Variants in PTGER3 observed in about 807,000 individuals in gnomAD.
The protein encoded by PTGER3 is prostaglandin E receptor 3.
A neutral mutation model predicts 34.7 loss-of-function variants in PTGER3; 22 were observed. The observed-to-expected ratio is 0.63, with a 90% CI of 0.45 to 0.91. PTGER3 has a LOEUF of 0.91. PTGER3 is among the 40% of genes least tolerant of loss of function. The pLI is 0.00. For synonymous variants in PTGER3, 241 were observed against 230.1 expected (o/e 1.05, Z -0.43); for missense variants, 468 against 519.4 (o/e 0.90, Z 0.96).
chr1:70,966,059 C>T (rs1195037326), downstream of PTGER3, among the ~76,000 whole-genome samples: 5 of 152,142 alleles, frequency 3.3e-5, no homozygotes, highest in African/African-American at 1.2e-4. Context: ...AACTATTATT[C>T]ACTTACTAAG....
chr1:70,995,150 T>C (rs941268681), intron 2 of PTGER3, among the ~76,000 whole-genome samples: 1 of 152,182 alleles, frequency 6.6e-6, no homozygotes, highest in Non-Finnish European at 1.5e-5. Context: ...TAGGTGTCAT[T>C]TGAGCTGGGC....
chr1:70,985,080 C>G (rs9424958), intron 2 of PTGER3, among the ~76,000 whole-genome samples: 32,939 of 152,016 alleles, frequency 0.22, 3,679 homozygotes, highest in Middle Eastern at 0.29. Context: ...CCTTTGCCGA[C>G]AAAATCCTTC....
intron 2 of PTGER3, among the ~76,000 whole-genome samples, chr1:70,957,238 A>T (rs905699785): frequency 6.6e-6 from 1 of 152,174 alleles, no homozygotes; most frequent in Non-Finnish European, 1.5e-5. Context: ...ATTTCCTTTC[A>T]AACTTCAACC....
At chr1:70,905,109 G>A (rs192019309) in intron 4 of PTGER3, among the ~76,000 whole-genome samples, 86 of 152,300 alleles carry the variant, frequency 5.6e-4, no homozygotes, top group Non-Finnish European at 6.5e-4. Context: ...AGCCTTAGCA[G>A]CTTCCACATG....
exon 4 of PTGER3, chr1:70,952,812 A>G (rs957687013): frequency 9.1e-5 from 128 of 1,409,260 alleles, no homozygotes; most frequent in Middle Eastern, 1.9e-4. Flanking sequence ...CAACACATGG[A>G]AAGTGCTCAA....
At chr1:70,995,615 T>A (rs1332223839) in intron 2 of PTGER3, among the ~76,000 whole-genome samples, 1 of 152,152 alleles carries the variant, frequency 6.6e-6, no homozygotes, top group Non-Finnish European at 1.5e-5. Flanking sequence ...GTAAAAATTA[T>A]AGTAATAACA....
At chr1:70,884,500 C>G (rs1406339180) in intron 4 of PTGER3, among the ~76,000 whole-genome samples, 2 of 152,170 alleles carry the variant, frequency 1.3e-5, no homozygotes, top group East Asian at 1.9e-4. Flanking sequence ...GGAGCAAGAG[C>G]AGCAGCAGCA....
intron 4 of PTGER3, among the ~76,000 whole-genome samples, chr1:70,859,795 T>C (rs1645887355): frequency 6.6e-6 from 1 of 152,214 alleles, no homozygotes; most frequent in African/African-American, 2.4e-5. Flanking sequence ...AACTGAGCCT[T>C]ATCCATGTTG....
chr1:70,951,787 G>A (rs548060915), downstream of PTGER3, among the ~76,000 whole-genome samples: 2 of 152,186 alleles, frequency 1.3e-5, no homozygotes, highest in South Asian at 4.1e-4. Flanking sequence ...CTCTGCCCTT[G>A]GGAAACTCAT....
rs555360616 is a variant in PTGER3 at position 70,908,243 on chromosome 1, G to C, written c.*23+45520C>G. On this transcript the variant is annotated intron_variant, in intron 4 of 4. Coordinates refer to the PTGER3 transcript ENST00000370931. ...AATTCCCAGCGTATCATGACAATAA[G>C]CATCTGAATGATTTTTTGGTCAATT... 5.3e-5 allele frequency among the ~76,000 whole-genome samples: 8 copies of C among 152,256 alleles called. No homozygotes were observed. The East Asian group carries it at 1.5e-3, about 29-fold the overall frequency.
intron 2 of PTGER3, among the ~76,000 whole-genome samples, chr1:70,963,005 A>G (rs1652098249): frequency 6.6e-6 from 1 of 152,220 alleles, no homozygotes; most frequent in African/African-American, 2.4e-5. Context: ...GCATTTGGTA[A>G]ATACAGCTAT....
intron 4 of PTGER3, among the ~76,000 whole-genome samples, chr1:70,938,217 C>T (rs1477159553): frequency 3.3e-5 from 5 of 152,132 alleles, no homozygotes; most frequent in Admixed American, 3.3e-4. Context: ...GAAGCTAATA[C>T]ATCAAATTCA....
intron 4 of PTGER3, among the ~76,000 whole-genome samples, chr1:70,875,226 A>G (rs1646248661): frequency 6.6e-6 from 1 of 152,210 alleles, no homozygotes; most frequent in African/African-American, 2.4e-5. Context: ...GCTTTCCTTC[A>G]GCCACTTTCT....
chr1:71,008,905 T>G, intron 2 of PTGER3: 1 of 976,750 alleles, frequency 1.0e-6, no homozygotes, highest in Non-Finnish European at 1.2e-6. Flanking sequence ...ATTCAGCTCC[T>G]AGAATCCTGT....
chr1:70,959,916 G>A (rs1277650403), intron 2 of PTGER3, among the ~76,000 whole-genome samples: 1 of 151,952 alleles, frequency 6.6e-6, no homozygotes, highest in East Asian at 1.9e-4. Context: ...GACCTTATTT[G>A]AAAATAAGGT....
At chr1:70,881,534 G>A (rs1158183927) in intron 4 of PTGER3, among the ~76,000 whole-genome samples, 1 of 152,080 alleles carries the variant, frequency 6.6e-6, no homozygotes, top group Non-Finnish European at 1.5e-5. Flanking sequence ...CACTGTTTTT[G>A]TCTCATCAAT....
At chr1:70,907,663 C>T (rs1290377669) in intron 4 of PTGER3, among the ~76,000 whole-genome samples, 1 of 152,134 alleles carries the variant, frequency 6.6e-6, no homozygotes, top group Non-Finnish European at 1.5e-5. Context: ...ATGAGCATGT[C>T]CGGGGGAGCA....
At chr1:70,981,243 T>C (rs1654226407) in intron 2 of PTGER3, among the ~76,000 whole-genome samples, 1 of 152,072 alleles carries the variant, frequency 6.6e-6, no homozygotes, top group East Asian at 1.9e-4. Context: ...TGTTTCTTTT[T>C]CTTTCTCCTT....
downstream of PTGER3, among the ~76,000 whole-genome samples, chr1:70,966,307 T>C (rs1469113209): frequency 6.6e-6 from 1 of 152,132 alleles, no homozygotes; most frequent in Admixed American, 6.5e-5. Context: ...ACTGCTCAGG[T>C]GATGGGTTCA....
Sources: gnomAD v4.1 joint callset for allele counts (sites outside exome capture counted in the v4.1 genomes callset) on GRCh38, gnomAD v4.1.1 for gene constraint, MANE v1.5 for transcripts, NCBI Gene and HGNC (gene_info 2026-07-23, HGNC 2026-07-21) for gene names.